PRSS23: variants seen among roughly 807,000 people sequenced by gnomAD.
The protein encoded by PRSS23 is protease, serine 23.
PRSS23 carries 25 observed loss-of-function variants against 34.7 expected under a neutral mutation model. The observed-to-expected ratio is 0.72, with a 90% CI of 0.53 to 1.01. The LOEUF (loss-of-function observed/expected upper bound fraction) is 1.01. PRSS23 is among the 50% of genes least tolerant of loss of function. The pLI is 0.00. For missense variants in PRSS23, 445 were observed against 475.6 expected (o/e 0.94, Z 0.60); for synonymous variants, 176 against 186.6 (o/e 0.94, Z 0.46).
In PRSS23 at chr11:86,808,563, A is replaced by G; in HGVS notation, c.920A>G (p.Gln307Arg). The G allele has an allele frequency of 6.2e-7, 1 of 1,614,218 alleles. No individual in the cohort carries two copies. Among genetic ancestry groups the G allele is most frequent in the African/African-American group, 1.3e-5 (1 of 75,058 alleles). ...GACGAGACCTATGACTTGCTCTACCAGCAATGCGATGCCCAGCCAGGGGCC... is the reference window on the plus strand; with the variant it reads ...GACGAGACCTATGACTTGCTCTACCGGCAATGCGATGCCCAGCCAGGGGCC... ...VKDETYDLLYQQCDAQPGASG... is the reference protein window; with the variant it reads ...VKDETYDLLYRQCDAQPGASG... The change falls in exon 2 of 2, where the codon CAG becomes CGG. Residue 307 changes from glutamine to arginine, a missense_variant. Transcript: ENST00000280258.
At chr11:86,835,140 T>C (rs1394187773) in intron 2 of PRSS23, among the ~76,000 whole-genome samples, 3 of 152,224 alleles carry the variant, frequency 2.0e-5, no homozygotes, top group African/African-American at 4.8e-5. Flanking sequence ...TTTCAAGTAA[T>C]AGAGCCTGAT....
At chr11:86,939,115 C>T (rs1414345467) in intron 2 of PRSS23, 5 of 401,222 alleles carry the variant, frequency 1.2e-5, no homozygotes, top group Admixed American at 6.6e-5. Flanking sequence ...AAGAGAACAT[C>T]GCCAGAAACA....
intron 2 of PRSS23, among the ~76,000 whole-genome samples, chr11:86,882,820 C>T (rs568155390): frequency 6.6e-6 from 1 of 152,316 alleles, no homozygotes; most frequent in Admixed American, 6.5e-5. Flanking sequence ...CTCCTACCGA[C>T]AGTGTGTAAG....
At chr11:86,866,855 C>A (rs1440399558) in intron 2 of PRSS23, among the ~76,000 whole-genome samples, 2 of 149,264 alleles carry the variant, frequency 1.3e-5, no homozygotes, top group Non-Finnish European at 3.0e-5. Context: ...GTGATCTCCA[C>A]ATACACCAGC....
chr11:86,823,186 A>G (rs1300575953), intron 1 of PRSS23: 16 of 591,864 alleles, frequency 2.7e-5, no homozygotes, highest in Non-Finnish European at 2.7e-5. Context: ...AGGATGATAC[A>G]TACAATTTAT....
At chr11:86,793,972 T>G (rs1341934502) in intron 1 of PRSS23, among the ~76,000 whole-genome samples, 2 of 152,126 alleles carry the variant, frequency 1.3e-5, no homozygotes, top group Non-Finnish European at 2.9e-5. Flanking sequence ...ACCGAAGGGT[T>G]TGGAAGCCTT....
At chr11:86,884,850 A>C (rs1462474043) in intron 2 of PRSS23, among the ~76,000 whole-genome samples, 1 of 152,182 alleles carries the variant, frequency 6.6e-6, no homozygotes. Context: ...CTTAGCTCCT[A>C]GGTATCTCCC....
rs530279740 is a variant in PRSS23, at chr11:86,861,722, C to G, written c.206+38129C>G. ...GAGGTTGATATTACTCCCCATGACTCAGGGGTGTACACCCCCCTGTGATAT... is the reference window on the plus strand; with the variant it reads ...GAGGTTGATATTACTCCCCATGACTGAGGGGTGTACACCCCCCTGTGATAT... On this transcript the variant is annotated intron_variant, in intron 2 of 2. Coordinates refer to the PRSS23 transcript ENST00000533902. Among the ~76,000 whole-genome samples the G allele has an allele frequency of 1.2e-4, 18 of 150,392 alleles. No homozygotes were observed. In the East Asian group the frequency reaches 3.6e-3, roughly 30 times the overall value.
intron 2 of PRSS23, among the ~76,000 whole-genome samples, chr11:86,830,830 T>A (rs566918745): frequency 6.6e-6 from 1 of 152,132 alleles, no homozygotes; most frequent in South Asian, 2.1e-4. Flanking sequence ...GTGATATTAT[T>A]CATGATATCC....
intron 2 of PRSS23, among the ~76,000 whole-genome samples, chr11:86,940,354 G>A (rs915978532): frequency 2.0e-5 from 3 of 152,180 alleles, no homozygotes; most frequent in African/African-American, 7.2e-5. Context: ...TGAAACACTG[G>A]CATTTTAGAA....
At chr11:86,895,528 G>T (rs1407880365) in intron 2 of PRSS23, among the ~76,000 whole-genome samples, 1 of 124,602 alleles carries the variant, frequency 8.0e-6, no homozygotes. Context: ...TGCCCAGGCT[G>T]GAGTACAGTG....
chr11:86,919,754 A>C (rs1365127080), intron 2 of PRSS23, among the ~76,000 whole-genome samples: 1 of 152,162 alleles, frequency 6.6e-6, no homozygotes, highest in Non-Finnish European at 1.5e-5. Context: ...GTGTTTGTTT[A>C]ACTGAGGATG....
At chr11:86,836,103 C>T (rs557635507) in intron 2 of PRSS23, among the ~76,000 whole-genome samples, 21 of 152,210 alleles carry the variant, frequency 1.4e-4, no homozygotes, top group African/African-American at 5.1e-4. Context: ...ACTCTGCTTC[C>T]TCTGGTATTT....
intron 2 of PRSS23, among the ~76,000 whole-genome samples, chr11:86,867,651 T>A (rs1159600285): frequency 2.6e-5 from 4 of 151,984 alleles, no homozygotes; most frequent in African/African-American, 9.7e-5. Context: ...AGGCCAAGGC[T>A]GGAGAATTGC....
intron 2 of PRSS23, among the ~76,000 whole-genome samples, chr11:86,890,272 A>G (rs1376818610): frequency 6.7e-6 from 1 of 150,188 alleles, no homozygotes; most frequent in African/African-American, 2.4e-5. Context: ...TCCATCTCCA[A>G]AAAAAAAAAA....
intron 2 of PRSS23, chr11:86,950,660 G>C (rs1431537912): frequency 5.1e-6 from 1 of 197,154 alleles, no homozygotes; most frequent in South Asian, 1.0e-4. Context: ...TAAAACTCTT[G>C]TAACACTTTT....
intron 2 of PRSS23, among the ~76,000 whole-genome samples, chr11:86,874,632 G>C (rs1644710164): frequency 6.6e-6 from 1 of 152,202 alleles, no homozygotes; most frequent in Admixed American, 6.5e-5. Context: ...GCAATCTAAA[G>C]AATTCTGACT....
chr11:86,885,434 A>G (rs765316347), intron 2 of PRSS23, among the ~76,000 whole-genome samples: 1 of 152,180 alleles, frequency 6.6e-6, no homozygotes, highest in Non-Finnish European at 1.5e-5. Flanking sequence ...GTGCCCAGAT[A>G]TTTGGCCAAA....
chr11:86,872,011 C>T (rs911622466), intron 2 of PRSS23, among the ~76,000 whole-genome samples: 1 of 152,206 alleles, frequency 6.6e-6, no homozygotes, highest in Admixed American at 6.5e-5. Context: ...AAAGCATGGG[C>T]TCTGGAATCA....
Sources: allele counts gnomAD v4.1 joint callset (sites outside exome capture counted in the v4.1 genomes callset), GRCh38; gene constraint gnomAD v4.1.1; transcripts MANE v1.5; gene names NCBI Gene and HGNC (gene_info 2026-07-23, HGNC 2026-07-21).